Variants in SCAPER observed in about 807,000 individuals in gnomAD.
SCAPER encodes the protein S-phase cyclin A associated protein in the ER, also known as S phase cyclin A-associated protein in the endoplasmic reticulum.
Under a neutral mutation model 182.2 loss-of-function variants are expected in SCAPER, and 98 were observed. The observed-to-expected ratio is 0.54, with a 90% CI of 0.46 to 0.64. The LOEUF is 0.64. Among genes scored for constraint, SCAPER ranks in the 30% least tolerant of loss-of-function variants. SCAPER has a pLI of 0.00. For missense variants in SCAPER, 1,432 were observed against 1,690.0 expected, an observed-to-expected ratio of 0.85 and a Z score of 2.68; for synonymous variants, 605 against 564.6, an observed-to-expected ratio of 1.07 and a Z score of -1.01.
intron 21 of SCAPER, among the ~76,000 whole-genome samples, chr15:76,631,954 C>T (rs2053151521): frequency 6.6e-6 from 1 of 152,046 alleles, no homozygotes; most frequent in East Asian, 1.9e-4. Context: ...TTTAACAGTC[C>T]CATAGTTCTC....
chr15:76,729,281 C>T (rs1036604906), intron 16 of SCAPER, among the ~76,000 whole-genome samples: 1 of 141,234 alleles, frequency 7.1e-6, no homozygotes, highest in African/African-American at 2.8e-5. Context: ...CACACACACA[C>T]ATATATATAC....
Position 76,364,095 on chromosome 15 carries a change from A to T in SCAPER, c.3856-9955T>A, listed in dbSNP as rs115858183. ...GCTTTATTTTAATATCACAGGAGAAAAGTTTAAAGAGTCTATGCATATACA... is the reference window on the plus strand; with the variant it reads ...GCTTTATTTTAATATCACAGGAGAATAGTTTAAAGAGTCTATGCATATACA... On this transcript the variant is annotated intron_variant, in intron 29 of 31. Transcript: ENST00000563290. Among the ~76,000 whole-genome samples, 560 of 152,302 alleles carry T rather than the reference A, an allele frequency of 3.7e-3. 7 individuals carry two copies. Among genetic ancestry groups the T allele is most frequent in the African/African-American group, 0.013 (541 of 41,558 alleles).
At chr15:76,568,224 T>TATATATATATATATATATATAC (rs1246463146) in intron 23 of SCAPER, among the ~76,000 whole-genome samples, 1 of 142,850 alleles carries the variant, frequency 7.0e-6, no homozygotes, top group African/African-American at 2.6e-5. Flanking sequence ...TATATATATA[T>TATATATATATATATATATATAC]ACAAATGGGA....
Position 76,468,465 on chromosome 15 carries a change from T to C in SCAPER, c.3078+2747A>G, listed in dbSNP as rs149989889. 5.8e-3 allele frequency among the ~76,000 whole-genome samples: 882 copies of C among 152,206 alleles called. 16 individuals are homozygous for C. The highest frequency in any genetic ancestry group is 0.019 in the African/African-American group (807 of 41,532). On this transcript the variant is annotated intron_variant, in intron 25 of 31. Coordinates refer to ENST00000563290, the MANE Select transcript of SCAPER (RefSeq NM_020843.4). ...TTTCTGAGGTCAAGAAACCTTAGGT[T>C]ACAACGAAGGTTATTCAAAGGGAAC...
intron 26 of SCAPER, among the ~76,000 whole-genome samples, chr15:76,424,548 T>C (rs1478843640): frequency 3.3e-5 from 5 of 152,158 alleles, no homozygotes; most frequent in African/African-American, 7.2e-5. Flanking sequence ...ATACAGCACA[T>C]TGATGGGTCT....
intron 15 of SCAPER, among the ~76,000 whole-genome samples, chr15:76,746,684 A>G (rs1399761394): frequency 1.3e-5 from 2 of 152,276 alleles, no homozygotes; most frequent in Admixed American, 6.5e-5. Context: ...ATTACAAGAC[A>G]TAAGATCAAT....
At chr15:76,368,093 G>A (rs2041924814) in intron 29 of SCAPER, among the ~76,000 whole-genome samples, 1 of 152,226 alleles carries the variant, frequency 6.6e-6, no homozygotes, top group African/African-American at 2.4e-5. Flanking sequence ...TTGTGTGACA[G>A]CTAAAGAATA....
intron 25 of SCAPER, among the ~76,000 whole-genome samples, chr15:76,467,191 TA>T (rs2049744745): frequency 6.6e-6 from 1 of 152,196 alleles, no homozygotes; most frequent in African/African-American, 2.4e-5. Flanking sequence ...TCTTTCTTTA[TA>T]AATTACCCAG....
chr15:76,669,243 C>T (rs2056841774), intron 20 of SCAPER, among the ~76,000 whole-genome samples: 1 of 148,906 alleles, frequency 6.7e-6, no homozygotes, highest in South Asian at 2.2e-4. Flanking sequence ...ACAACAAAAA[C>T]CCACAGACAA....
At chr15:76,444,536 C>A (rs1169837975) in intron 25 of SCAPER, among the ~76,000 whole-genome samples, 1 of 152,000 alleles carries the variant, frequency 6.6e-6, no homozygotes, top group East Asian at 1.9e-4. Context: ...AATCTAATTA[C>A]CTATGTGTTA....
chr15:76,628,700 T>A (rs747391246), intron 21 of SCAPER, among the ~76,000 whole-genome samples: 5 of 152,214 alleles, frequency 3.3e-5, no homozygotes, highest in Non-Finnish European at 5.9e-5. Flanking sequence ...TGAAGTTGGG[T>A]AGCGCGATGT....
At chr15:76,504,306 G>T (rs1336078067) in intron 24 of SCAPER, among the ~76,000 whole-genome samples, 2 of 152,104 alleles carry the variant, frequency 1.3e-5, no homozygotes, top group African/African-American at 4.8e-5. Flanking sequence ...CAACATTGCT[G>T]CTATACCCCA....
rs1176196147 is a variant in SCAPER, at chr15:76,593,125, G to C, written c.2712-18841C>G. On this transcript the variant is annotated intron_variant, in intron 22 of 31. Transcript: ENST00000563290. ...TCTGAAGTCGACCTGGGAAGCTTGA[G>C]CTTGGTGTGGGGAGGGGTGCCTGCC... Among the ~76,000 whole-genome samples the C allele has an allele frequency of 3.3e-5, 4 of 121,824 alleles. 1 individual carries two copies. The highest frequency in any genetic ancestry group is 8.0e-5 in the Non-Finnish European group (4 of 50,036). The allele number at this position is 121,824 out of a possible 152,430, so 79.9% of individuals were successfully genotyped here.
At chr15:76,524,335 A>AAT (rs1452546657) in intron 23 of SCAPER, among the ~76,000 whole-genome samples, 2 of 152,178 alleles carry the variant, frequency 1.3e-5, no homozygotes, top group East Asian at 3.8e-4. Context: ...CAAAAGTGAT[A>AAT]ATAAGTAGCT....
chr15:76,702,806 T>C, intron 19 of SCAPER, 44 bp downstream of exon 19: 1 of 1,561,332 alleles, frequency 6.4e-7, no homozygotes, highest in Non-Finnish European at 8.6e-7. Context: ...TTCATAAACT[T>C]TAGTAGTAAA....
chr15:76,873,025 G>GT (rs1197656837), intron 2 of SCAPER, among the ~76,000 whole-genome samples: 8 of 148,718 alleles, frequency 5.4e-5, no homozygotes, highest in African/African-American at 2.0e-4. Context: ...TAAGGTGGGA[G>GT]TATCACTTAA....
At chr15:76,857,124 C>A (rs1051774888) in intron 4 of SCAPER, among the ~76,000 whole-genome samples, 1 of 152,016 alleles carries the variant, frequency 6.6e-6, no homozygotes, top group Non-Finnish European at 1.5e-5. Flanking sequence ...GAGCTAAGAG[C>A]ATAAACTGTG....
At chr15:76,504,179 C>T (rs1463313731) in intron 24 of SCAPER, among the ~76,000 whole-genome samples, 2 of 152,058 alleles carry the variant, frequency 1.3e-5, no homozygotes, top group South Asian at 4.1e-4. Flanking sequence ...TGAGCCATTG[C>T]GCCCTGCCTA....
intron 1 of SCAPER, among the ~76,000 whole-genome samples, chr15:76,884,356 C>T (rs2073733521): frequency 6.6e-6 from 1 of 152,160 alleles, no homozygotes. Context: ...TAAGAATGTT[C>T]ATAAACTAAG....
Sources: allele counts gnomAD v4.1 joint callset (sites outside exome capture counted in the v4.1 genomes callset), GRCh38; gene constraint gnomAD v4.1.1; transcripts MANE v1.5; gene names NCBI Gene and HGNC (gene_info 2026-07-23, HGNC 2026-07-21).